Variants in MYO1E observed in about 807,000 individuals in gnomAD.
The protein encoded by MYO1E is myosin IE.
A neutral mutation model predicts 151.1 loss-of-function variants in MYO1E; 68 were observed. The observed-to-expected ratio is 0.45, with a 90% confidence interval of 0.37 to 0.55. The LOEUF is 0.55. Ranked by LOEUF, MYO1E falls within the 20% of genes least tolerant of loss-of-function variation. The pLI is 0.00. For missense variants in MYO1E, 1,363 were observed against 1,389.3 expected (o/e 0.98, Z 0.30); for synonymous variants, 601 against 501.7 (o/e 1.20, Z -2.64).
chr15:59,371,839 C>A (rs1208691275), intron 1 of MYO1E, among the ~76,000 whole-genome samples: 4 of 151,228 alleles, frequency 2.6e-5, no homozygotes, highest in African/African-American at 9.7e-5. Context: ...GCGTGGTTGC[C>A]GCCCGCGCCC....
chr15:59,322,814 A>C (rs2080635585), intron 1 of MYO1E, among the ~76,000 whole-genome samples: 1 of 152,166 alleles, frequency 6.6e-6, no homozygotes, highest in Non-Finnish European at 1.5e-5. Flanking sequence ...TTACAACAGA[A>C]GACATGTCTT....
At chr15:59,221,464 C>G (rs1566983528) in intron 9 of MYO1E, among the ~76,000 whole-genome samples, 1 of 152,270 alleles carries the variant, frequency 6.6e-6, no homozygotes, top group East Asian at 1.9e-4. Flanking sequence ...TTGGTTACCT[C>G]TGACGAGGGG....
chr15:59,206,462 G>C (rs1213879687), intron 14 of MYO1E, among the ~76,000 whole-genome samples: 1 of 152,176 alleles, frequency 6.6e-6, no homozygotes, highest in African/African-American at 2.4e-5. Flanking sequence ...CCATAGACCA[G>C]AAAGCAGGCG....
chr15:59,302,384 G>A (rs1401413222), intron 1 of MYO1E, among the ~76,000 whole-genome samples: 1 of 152,174 alleles, frequency 6.6e-6, no homozygotes, highest in Non-Finnish European at 1.5e-5. Flanking sequence ...GTGAGACGCG[G>A]GGCAGTGTGC....
Position 59,372,742 on chromosome 15 carries a change from A to G in MYO1E, c.-242T>C, listed in dbSNP as rs2080956081. The G allele has an allele frequency of 1.8e-6, 1 of 563,578 alleles. No individual in the cohort carries two copies. Among genetic ancestry groups the G allele is most frequent in the Non-Finnish European group, 3.1e-6 (1 of 320,612 alleles). 34.9% of individuals were successfully genotyped at this position (563,578 alleles called of 1,614,324 possible). ...AGGCGGGGCGCATGCTGCGGAGGGC[A>G]AGAGTCCACTCGTACTCGCCGGTCG... On this transcript the variant is annotated 5_prime_UTR_variant, in exon 1 of 28. Transcript: ENST00000288235.
chr15:59,141,169 C>T (rs2079406817), intron 26 of MYO1E, among the ~76,000 whole-genome samples: 1 of 152,122 alleles, frequency 6.6e-6, no homozygotes, highest in South Asian at 2.1e-4. Flanking sequence ...CATTACAACA[C>T]CCTGGGAGGG....
chr15:59,169,256 T>TA (rs1199019436), intron 22 of MYO1E, among the ~76,000 whole-genome samples: 3 of 152,246 alleles, frequency 2.0e-5, no homozygotes, highest in Non-Finnish European at 4.4e-5. Flanking sequence ...CAGAAATTCT[T>TA]AAAAACACAT....
At chr15:59,185,842 A>G (rs1359977694) in intron 18 of MYO1E, among the ~76,000 whole-genome samples, 11 of 152,362 alleles carry the variant, frequency 7.2e-5, no homozygotes, top group African/African-American at 2.4e-4. Context: ...AGGAAGGTAC[A>G]CTACTGGCAT....
chr15:59,192,889 T>A (rs1403722282), intron 17 of MYO1E, among the ~76,000 whole-genome samples: 1 of 151,622 alleles, frequency 6.6e-6, no homozygotes, highest in Non-Finnish European at 1.5e-5. Flanking sequence ...GTGTGAGAGG[T>A]GAGTGTAAAA....
At chr15:59,291,906 C>T (rs184910989) in intron 1 of MYO1E, among the ~76,000 whole-genome samples, 81 of 152,002 alleles carry the variant, frequency 5.3e-4, no homozygotes, top group African/African-American at 1.9e-3. Flanking sequence ...ATGAATAAAT[C>T]AAATACCATA....
chr15:59,241,869 T>C (rs1369536153), intron 4 of MYO1E, among the ~76,000 whole-genome samples: 2 of 151,700 alleles, frequency 1.3e-5, no homozygotes, highest in Non-Finnish European at 2.9e-5. Context: ...CAGTGAGCTA[T>C]TGTTGAGCTA....
At chr15:59,217,239 T>C (rs199542425) in intron 10 of MYO1E, among the ~76,000 whole-genome samples, 9 of 152,314 alleles carry the variant, frequency 5.9e-5, no homozygotes, top group South Asian at 2.1e-4. Context: ...ATTTGTAACA[T>C]AGAAATATGT....
chr15:59,204,373 T>A (rs1169240317), intron 15 of MYO1E, among the ~76,000 whole-genome samples: 1 of 152,192 alleles, frequency 6.6e-6, no homozygotes, highest in Admixed American at 6.5e-5. Flanking sequence ...GTCAGCCCTT[T>A]AATAGGAAAT....
At chr15:59,182,047 C>A (rs185634861) in intron 18 of MYO1E, among the ~76,000 whole-genome samples, 81 of 152,268 alleles carry the variant, frequency 5.3e-4, no homozygotes, top group African/African-American at 1.9e-3. Flanking sequence ...AAATTGTGTT[C>A]TCTCCAGAGA....
chr15:59,234,246 G>GGATGGATGGATGGATGGA (rs1566987682), intron 5 of MYO1E, among the ~76,000 whole-genome samples: 12 of 141,870 alleles, frequency 8.5e-5, no homozygotes, highest in African/African-American at 3.0e-4. Flanking sequence ...GGATGGATGG[G>GGATGGATGGATGGATGGA]TGCATGGATG....
At chr15:59,327,601 C>T (rs2080673143) in intron 1 of MYO1E, among the ~76,000 whole-genome samples, 1 of 152,108 alleles carries the variant, frequency 6.6e-6, no homozygotes, top group Admixed American at 6.6e-5. Flanking sequence ...AGGTATGAGC[C>T]AGCACGCCCA....
Position 59,207,470 on chromosome 15 carries a change from G to A in MYO1E, c.1530+1211C>T, listed in dbSNP as rs758767160. 5 of 1,613,886 alleles carry A rather than the reference G, an allele frequency of 3.1e-6. No individual in the cohort carries two copies. The African/African-American group carries it at 5.3e-5, about 17-fold the overall frequency. On this transcript the variant is annotated intron_variant, in intron 14 of 27. Transcript: ENST00000288235. ...ATGATTTCCAGTATTGTCCAGTACA[G>A]CCCCCACTGCAAACTGATTATTGTT...
At chr15:59,195,762 C>T (rs1235045321) in intron 16 of MYO1E, among the ~76,000 whole-genome samples, 195 bp from the exon 17 acceptor site, 1 of 152,166 alleles carries the variant, frequency 6.6e-6, no homozygotes, top group Non-Finnish European at 1.5e-5. Flanking sequence ...TTTTATCACT[C>T]CTAAATGGGT....
chr15:59,214,559 T>G, intron 11 of MYO1E, 81 bp downstream of exon 11: 1 of 1,320,360 alleles, frequency 7.6e-7, no homozygotes, highest in African/African-American at 1.5e-5. Context: ...TTTTTGTTTT[T>G]GCATTGCCTA....
Sources: allele counts gnomAD v4.1 joint callset (sites outside exome capture counted in the v4.1 genomes callset), GRCh38; gene constraint gnomAD v4.1.1; transcripts MANE v1.5; gene names NCBI Gene and HGNC (gene_info 2026-07-23, HGNC 2026-07-21).